The following SEMA3E variants were observed in gnomAD, a reference collection of about 807,000 sequenced individuals.
The protein encoded by SEMA3E is semaphorin-3E.
Under a neutral mutation model 93.6 loss-of-function variants are expected in SEMA3E, and 49 were observed. That is an observed-to-expected ratio of 0.52 (90% CI 0.42 to 0.66). The LOEUF (loss-of-function observed/expected upper bound fraction) is 0.66, where lower values mean the gene tolerates loss of function less well. SEMA3E is among the 30% of genes least tolerant of loss of function. The probability of loss-of-function intolerance (pLI) is 0.00; values close to 1 mark genes in which losing one functional copy is unlikely to be tolerated. For synonymous variants in SEMA3E, 363 were observed against 330.7 expected (o/e 1.10, Z -1.06); for missense variants, 906 against 964.8 (o/e 0.94, Z 0.81).
intron 1 of SEMA3E, among the ~76,000 whole-genome samples, chr7:83,632,722 T>C (rs1305349411): frequency 2.0e-5 from 3 of 152,170 alleles, no homozygotes; most frequent in African/African-American, 7.2e-5. Context: ...TGGAGGTCCA[T>C]CATGACTTAT....
chr7:83,396,839 G>C (rs1266858297), intron 11 of SEMA3E, 110 bp from the exon 12 acceptor site: 1 of 724,992 alleles, frequency 1.4e-6, no homozygotes, highest in African/African-American at 1.7e-5. Context: ...ATCACTTTGG[G>C]AGGCCAAGAT....
chr7:83,405,353 G>C (rs551588487), intron 9 of SEMA3E, 97 bp downstream of exon 9: 10 of 858,970 alleles, frequency 1.2e-5, no homozygotes, highest in Admixed American at 3.9e-5. Flanking sequence ...AGAGCAACTG[G>C]GTCAATAGTC....
chr7:83,597,618 T>C (rs1476093368), intron 1 of SEMA3E, among the ~76,000 whole-genome samples: 1 of 152,206 alleles, frequency 6.6e-6, no homozygotes, highest in Admixed American at 6.6e-5. Flanking sequence ...CAGTCAGCAA[T>C]TGATGCTACA....
intron 1 of SEMA3E, among the ~76,000 whole-genome samples, chr7:83,599,672 AC>A (rs1421483130): frequency 2.0e-5 from 3 of 152,210 alleles, no homozygotes; most frequent in Non-Finnish European, 4.4e-5. Flanking sequence ...ACCAGTTAAT[AC>A]TATTAAAAAT....
At chr7:83,594,954 G>GAA (rs375713003) in intron 1 of SEMA3E, among the ~76,000 whole-genome samples, 38 of 139,026 alleles carry the variant, frequency 2.7e-4, no homozygotes, top group East Asian at 1.3e-3. Context: ...GAACTTCTGG[G>GAA]AAAAAAAAAA....
At chr7:83,466,666 T>G in intron 3 of SEMA3E, 65 bp from the exon 4 acceptor site, 1 of 1,596,666 alleles carries the variant, frequency 6.3e-7, no homozygotes, top group East Asian at 2.2e-5. Context: ...CTTTTTGATT[T>G]TTGTTTTTCC....
chr7:83,581,646 A>G (rs980948897), intron 1 of SEMA3E, among the ~76,000 whole-genome samples: 3 of 152,182 alleles, frequency 2.0e-5, no homozygotes, highest in South Asian at 2.1e-4. Context: ...AAAAATAAAT[A>G]TGGTATAAAA....
In SEMA3E at chr7:83,634,383, G is replaced by T. The variant is rs186470436; in HGVS notation, c.115+14045C>A. On this transcript the variant is annotated intron_variant, in intron 1 of 16. Coordinates refer to ENST00000643230, the MANE Select transcript of SEMA3E (RefSeq NM_012431.3). ...TAATTTTTAAATTAGAGATAATTCA[G>T]TTTTTTTTCTCCAGATAGGAAAAAT... 2.1e-4 allele frequency among the ~76,000 whole-genome samples: 32 copies of T among 151,692 alleles called. No homozygotes were observed. The East Asian group carries it at 6.0e-3, about 28-fold the overall frequency.
At chr7:83,509,835 C>T (rs975140900) in intron 1 of SEMA3E, among the ~76,000 whole-genome samples, 1 of 152,116 alleles carries the variant, frequency 6.6e-6, no homozygotes, top group Non-Finnish European at 1.5e-5. Context: ...TGCTAATGCT[C>T]AGCTATTAGA....
chr7:83,464,902 A>G (rs1224192283), intron 4 of SEMA3E, among the ~76,000 whole-genome samples: 1 of 150,480 alleles, frequency 6.6e-6, no homozygotes, highest in African/African-American at 2.4e-5. Context: ...CTTCAACACT[A>G]TTTTATTTTT....
At chr7:83,521,920 C>A (rs772601174) in intron 1 of SEMA3E, among the ~76,000 whole-genome samples, 5 of 152,078 alleles carry the variant, frequency 3.3e-5, no homozygotes, top group Non-Finnish European at 7.4e-5. Flanking sequence ...ATTGTAGGCA[C>A]TTTTACAAAA....
chr7:83,390,026 TATAC>T (rs1787974742), intron 14 of SEMA3E, among the ~76,000 whole-genome samples: 1 of 147,656 alleles, frequency 6.8e-6, no homozygotes, highest in Non-Finnish European at 1.5e-5. Flanking sequence ...CGTATATGTG[TATAC>T]GTATACACAT....
At chr7:83,545,346 C>T (rs140786718) in intron 1 of SEMA3E, among the ~76,000 whole-genome samples, 103 of 151,980 alleles carry the variant, frequency 6.8e-4, no homozygotes, top group Middle Eastern at 3.4e-3. Flanking sequence ...CATTCCTATC[C>T]ATTTTGAGTC....
chr7:83,566,918 C>T (rs192692377), intron 1 of SEMA3E, among the ~76,000 whole-genome samples: 1 of 151,996 alleles, frequency 6.6e-6, no homozygotes. Context: ...AAGAATAAAC[C>T]CTCACATATC....
intron 1 of SEMA3E, among the ~76,000 whole-genome samples, chr7:83,534,013 T>C (rs1248927236): frequency 1.3e-5 from 2 of 152,210 alleles, no homozygotes; most frequent in South Asian, 2.1e-4. Flanking sequence ...GCATATCATA[T>C]GGGAAGAAAA....
At chr7:83,643,354 G>C (rs1794038836) in intron 1 of SEMA3E, among the ~76,000 whole-genome samples, 1 of 151,944 alleles carries the variant, frequency 6.6e-6, no homozygotes, top group African/African-American at 2.4e-5. Flanking sequence ...ATTATGTATA[G>C]AATACTTCCC....
chr7:83,484,756 T>G (rs2115956021), intron 2 of SEMA3E, among the ~76,000 whole-genome samples: 1 of 152,354 alleles, frequency 6.6e-6, no homozygotes, highest in South Asian at 2.1e-4. Flanking sequence ...TTCCAGTGTA[T>G]TTCCTAATTC....
chr7:83,395,208 T>C (rs929335587), intron 12 of SEMA3E, among the ~76,000 whole-genome samples: 4 of 152,164 alleles, frequency 2.6e-5, no homozygotes, highest in African/African-American at 9.7e-5. Context: ...TTTCAGTTTA[T>C]AACATGAAAT....
At chr7:83,646,512 C>T (rs1261476042) in intron 1 of SEMA3E, among the ~76,000 whole-genome samples, 1 of 152,078 alleles carries the variant, frequency 6.6e-6, no homozygotes, top group Non-Finnish European at 1.5e-5. Flanking sequence ...AGGTAACTCT[C>T]TCTATTCTGC....
Sources: gnomAD v4.1 joint callset for allele counts (sites outside exome capture counted in the v4.1 genomes callset) on GRCh38, gnomAD v4.1.1 for gene constraint, MANE v1.5 for transcripts, NCBI Gene and HGNC (gene_info 2026-07-23, HGNC 2026-07-21) for gene names.